Variants in SDK1 observed in about 807,000 individuals in gnomAD.
The protein encoded by SDK1 is sidekick cell adhesion molecule 1.
SDK1 carries 157 observed loss-of-function variants against 245.5 expected under a neutral mutation model. The observed-to-expected ratio is 0.64, with a 90% CI of 0.56 to 0.73. The LOEUF is 0.73. Among genes scored for constraint, SDK1 ranks in the 30% least tolerant of loss-of-function variants. SDK1 has a pLI of 0.00. For synonymous variants in SDK1, 1,647 were observed against 1,278.5 expected (o/e 1.29, Z -6.15); for missense variants, 3,583 against 3,002.3 (o/e 1.19, Z -4.52).
At chr7:4,039,399 C>A (rs1011786983) in intron 17 of SDK1, among the ~76,000 whole-genome samples, 3 of 151,928 alleles carry the variant, frequency 2.0e-5, no homozygotes, top group Admixed American at 2.0e-4. Context: ...TAAATATATA[C>A]ATATTTAAAT....
At chr7:4,046,180 G>T (rs961841878) in intron 17 of SDK1, among the ~76,000 whole-genome samples, 2 of 151,800 alleles carry the variant, frequency 1.3e-5, no homozygotes, top group African/African-American at 2.4e-5. Context: ...GGCCTCAAGC[G>T]ATCCTCCTAC....
intron 1 of SDK1, among the ~76,000 whole-genome samples, chr7:3,582,124 TCTCAGGTAGGTCTCC>T (rs1428311658): frequency 7.3e-6 from 1 of 136,352 alleles, no homozygotes; most frequent in Non-Finnish European, 1.6e-5. Context: ...GGTAGGCCTG[TCTCAGGTAGGTCTCC>T]CTCAGGTAGG....
At chr7:4,217,812 A>T (rs1297969322) in intron 38 of SDK1, among the ~76,000 whole-genome samples, 1 of 152,184 alleles carries the variant, frequency 6.6e-6, no homozygotes, top group Non-Finnish European at 1.5e-5. Flanking sequence ...TAAAATTCTG[A>T]CACACCTGAA....
chr7:3,335,605 G>T (rs938074556), intron 1 of SDK1, among the ~76,000 whole-genome samples: 1 of 152,124 alleles, frequency 6.6e-6, no homozygotes, highest in Non-Finnish European at 1.5e-5. Context: ...AAGGATAAGA[G>T]GGTCTTTGTG....
At chr7:3,443,015 C>A (rs1209528434) in intron 1 of SDK1, among the ~76,000 whole-genome samples, 1 of 151,076 alleles carries the variant, frequency 6.6e-6, no homozygotes, top group East Asian at 1.9e-4. Context: ...ACTTATAAAG[C>A]AACACAATAC....
rs1783332269 is a variant in SDK1 at position 3,980,692 on chromosome 7, G to A, written c.1994+6147G>A. 2.0e-5 allele frequency among the ~76,000 whole-genome samples: 3 copies of A among 152,110 alleles called. No homozygotes were observed. The South Asian group carries it at 6.2e-4, about 32-fold the overall frequency. On this transcript the variant is annotated intron_variant, in intron 13 of 44. Coordinates refer to ENST00000404826, the MANE Select transcript of SDK1 (RefSeq NM_152744.4). ...GCCGCAGAGGCTCACGCCTGTAATC[G>A]CAGCACTTTGGGAGGCCGAGGCAGG...
At chr7:3,872,512 T>G (rs916934073) in intron 5 of SDK1, among the ~76,000 whole-genome samples, 6 of 151,928 alleles carry the variant, frequency 3.9e-5, no homozygotes, top group African/African-American at 1.2e-4. Flanking sequence ...TTGTAGCCTT[T>G]TTTCCCAAGG....
chr7:4,058,808 G>C (rs955252906), intron 19 of SDK1, among the ~76,000 whole-genome samples: 1 of 152,152 alleles, frequency 6.6e-6, no homozygotes, highest in South Asian at 2.1e-4. Context: ...TAAAAGCTGA[G>C]GGAATTCATC....
intron 1 of SDK1, among the ~76,000 whole-genome samples, chr7:3,445,306 G>T (rs1189069794): frequency 1.3e-5 from 2 of 151,986 alleles, no homozygotes; most frequent in Non-Finnish European, 2.9e-5. Context: ...GACAAAAATG[G>T]GCTCAATAAT....
chr7:4,195,736 G>T (rs1027187014), intron 35 of SDK1, among the ~76,000 whole-genome samples: 1 of 152,286 alleles, frequency 6.6e-6, no homozygotes, highest in South Asian at 2.1e-4. Context: ...TGCCTGCAGG[G>T]CTGCAGAGAG....
chr7:3,321,654 G>A (rs1779805185), intron 1 of SDK1, among the ~76,000 whole-genome samples: 1 of 151,558 alleles, frequency 6.6e-6, no homozygotes, highest in African/African-American at 2.4e-5. Flanking sequence ...AATATTTAAT[G>A]CAATGAATGT....
intron 9 of SDK1, among the ~76,000 whole-genome samples, chr7:3,963,661 A>G (rs1214795068): frequency 1.1e-5 from 1 of 89,356 alleles, no homozygotes; most frequent in Non-Finnish European, 2.3e-5. Flanking sequence ...ATTCAGCCCC[A>G]TGGCTACCTG....
intron 20 of SDK1, among the ~76,000 whole-genome samples, chr7:4,071,001 C>T (rs1584018984): frequency 6.6e-6 from 1 of 151,936 alleles, no homozygotes; most frequent in Admixed American, 6.6e-5. Context: ...AAGCATATAG[C>T]TGGACTTTGT....
intron 1 of SDK1, among the ~76,000 whole-genome samples, chr7:3,543,688 A>C (rs1779121762): frequency 1.3e-5 from 2 of 152,336 alleles, no homozygotes; most frequent in South Asian, 4.1e-4. Context: ...AGATTGTGTT[A>C]CACGTACTCA....
chr7:3,658,300 T>A (rs948497989), intron 4 of SDK1, among the ~76,000 whole-genome samples: 1 of 152,184 alleles, frequency 6.6e-6, no homozygotes, highest in African/African-American at 2.4e-5. Flanking sequence ...CCTACAGCAT[T>A]TGCTTCCAAG....
rs775694958 is a variant in SDK1 at position 4,113,345 on chromosome 7, G to C, written c.3491G>C (p.Arg1164Pro). The C allele has an allele frequency of 1.9e-6, 3 of 1,613,854 alleles. No individual in the cohort carries two copies. Among genetic ancestry groups the C allele is most frequent in the Non-Finnish European group, 2.5e-6 (3 of 1,180,010 alleles). ...CCGAGCCCCTACAGTCCGTCTTCCCGGGTCATCCAGACCCTGCAGGCCCCA... is the reference window on the plus strand; with the variant it reads ...CCGAGCCCCTACAGTCCGTCTTCCCCGGTCATCCAGACCCTGCAGGCCCCA... ...VGPSPYSPSS[R>P]VIQTLQAPPD... Residue 1164 changes from arginine (R) to proline (P), a missense_variant, in exon 24 of 45, where the codon CGG (arginine) becomes CCG (proline). By Grantham distance (103) the Arg-to-Pro change is moderately radical (BLOSUM62 -2). Transcript: ENST00000404826.
Position 4,077,078 on chromosome 7 carries a change from A to G in SDK1, c.3091A>G (p.Lys1031Glu), listed in dbSNP as rs1360011576. The part of the protein sequence containing the change: ...HTLNSTTHEY[K>E]IQGLSSLTTY... Reference sequence around the variant, plus strand: ...CCTGAACAGCACGACGCACGAGTACAAGATCCAAGGCCTCTCATCTCTCAC... The same window carrying G: ...CCTGAACAGCACGACGCACGAGTACGAGATCCAAGGCCTCTCATCTCTCAC... Residue 1031 changes from lysine to glutamate, a missense_variant, in exon 21 of 45, where the codon AAG (lysine) becomes GAG (glutamate). By Grantham distance (56) the Lys-to-Glu change is moderately conservative (BLOSUM62 1). Coordinates refer to ENST00000404826, the MANE Select transcript of SDK1 (RefSeq NM_152744.4). 1 of 1,614,022 alleles carries G rather than the reference A, an allele frequency of 6.2e-7. No homozygotes were observed. The highest frequency in any genetic ancestry group is 1.1e-5 in the South Asian group (1 of 91,082).
intron 38 of SDK1, among the ~76,000 whole-genome samples, chr7:4,218,136 G>A (rs926701911): frequency 4.2e-4 from 64 of 152,216 alleles, no homozygotes; most frequent in Non-Finnish European, 8.2e-4. Context: ...AGGCACGGTG[G>A]CTCATGTCTG....
At chr7:3,900,786 A>G (rs1348317957) in intron 5 of SDK1, among the ~76,000 whole-genome samples, 1 of 151,818 alleles carries the variant, frequency 6.6e-6, no homozygotes, top group African/African-American at 2.4e-5. Context: ...CACTCGTTTT[A>G]GACTGACACA....
Sources: gnomAD v4.1 joint callset for allele counts (sites outside exome capture counted in the v4.1 genomes callset) on GRCh38, gnomAD v4.1.1 for gene constraint, MANE v1.5 for transcripts, NCBI Gene and HGNC (gene_info 2026-07-23, HGNC 2026-07-21) for gene names.